The following GPHN variants were observed in gnomAD, a reference collection of about 807,000 sequenced individuals.
The protein encoded by GPHN is gephyrin.
GPHN carries 17 observed loss-of-function variants against 95.5 expected under a neutral mutation model. That is an observed-to-expected ratio of 0.18 (90% CI 0.12 to 0.27). The LOEUF (loss-of-function observed/expected upper bound fraction) is 0.27. Among genes scored for constraint, GPHN ranks in the 10% least tolerant of loss-of-function variants. The pLI is 1.00. For missense variants in GPHN, 660 were observed against 978.1 expected (o/e 0.67, Z 4.34); for synonymous variants, 320 against 322.5 (o/e 0.99, Z 0.08).
intron 1 of GPHN, among the ~76,000 whole-genome samples, chr14:66,514,431 G>A (rs975815310): frequency 6.6e-6 from 1 of 151,954 alleles, no homozygotes; most frequent in Non-Finnish European, 1.5e-5. Context: ...TCAGTATATT[G>A]TGTAACCCTC....
chr14:67,319,610 TAAAAAAA>T, the GPHN span, among the ~76,000 whole-genome samples: 1 of 128,608 alleles, frequency 7.8e-6, no homozygotes, highest in Non-Finnish European at 1.7e-5. Flanking sequence ...GCTGATGAGC[TAAAAAAA>T]AAAAAAAAAA....
the GPHN span, chr14:67,382,749 C>A: frequency 2.7e-6 from 2 of 732,126 alleles, no homozygotes; most frequent in Non-Finnish European, 4.5e-6. Flanking sequence ...CGTCCCCAGC[C>A]AGGGGGAAGG....
chr14:66,710,245 C>T (rs561710232), intron 2 of GPHN, among the ~76,000 whole-genome samples: 4 of 152,130 alleles, frequency 2.6e-5, no homozygotes, highest in Non-Finnish European at 5.9e-5. Context: ...TTTGCAAATA[C>T]AAATATATGC....
the GPHN span, chr14:67,204,996 GGAAGTCACA>G: frequency 2.6e-6 from 4 of 1,564,096 alleles, 1 homozygote; most frequent in South Asian, 4.7e-5. Context: ...GAGAAGCCAC[GGAAGTCACA>G]GACAGCTCTG....
intron 16 of GPHN, among the ~76,000 whole-genome samples, chr14:67,118,677 G>A (rs1017402819): frequency 1.2e-4 from 18 of 151,804 alleles, no homozygotes; most frequent in Admixed American, 6.6e-5. Flanking sequence ...GCAGTGAGCC[G>A]AGATCGCATC....
intron 1 of GPHN, among the ~76,000 whole-genome samples, chr14:66,675,284 A>G (rs1389934931): frequency 6.6e-6 from 1 of 151,700 alleles, no homozygotes; most frequent in Non-Finnish European, 1.5e-5. Context: ...GCTGGGGACT[A>G]TAGGCACGTA....
chr14:67,644,843 A>C, the GPHN span, among the ~76,000 whole-genome samples: 1 of 152,032 alleles, frequency 6.6e-6, no homozygotes. Flanking sequence ...CTAAAAATAC[A>C]AAAAATTAGC....
intron 9 of GPHN, among the ~76,000 whole-genome samples, chr14:66,970,852 AAT>A (rs2069710253): frequency 1.3e-5 from 2 of 152,340 alleles, no homozygotes; most frequent in South Asian, 4.1e-4. Flanking sequence ...TCTGAACAAA[AAT>A]ATGTTTTCTT....
intron 3 of GPHN, among the ~76,000 whole-genome samples, chr14:66,809,473 A>G (rs1198949275): frequency 6.6e-6 from 1 of 152,310 alleles, no homozygotes; most frequent in African/African-American, 2.4e-5. Context: ...TATGATTCAA[A>G]TAGACTTCAG....
At chr14:66,626,735 A>G (rs921501728) in intron 1 of GPHN, among the ~76,000 whole-genome samples, 18 of 152,044 alleles carry the variant, frequency 1.2e-4, no homozygotes, top group African/African-American at 2.9e-4. Context: ...TTTTCAGGAT[A>G]TTTTTGTAGT....
intron 9 of GPHN, among the ~76,000 whole-genome samples, chr14:66,968,611 T>C (rs760551084): frequency 6.6e-6 from 1 of 152,054 alleles, no homozygotes; most frequent in African/African-American, 2.4e-5. Flanking sequence ...TAATAGAAGA[T>C]CTGGATGGAA....
the GPHN span, chr14:67,581,111 C>T: frequency 1.1e-6 from 1 of 904,438 alleles, no homozygotes; most frequent in Non-Finnish European, 1.9e-6. Context: ...GCCTCCTCGA[C>T]TAGACAGCCT....
chr14:67,435,555 C>T, the GPHN span, among the ~76,000 whole-genome samples: 1 of 152,214 alleles, frequency 6.6e-6, no homozygotes, highest in African/African-American at 2.4e-5. Context: ...AGTGTTGTAA[C>T]ACTGTGCTTT....
rs1596121823 is a variant in GPHN at position 66,845,774 on chromosome 14, C to T, written c.294+21208C>T. 1.3e-5 allele frequency among the ~76,000 whole-genome samples: 2 copies of T among 151,470 alleles called. 1 individual carries two copies. The highest frequency in any genetic ancestry group is 4.2e-4 in the South Asian group (2 of 4,808). ...GGCTCGAACCCCAGAGATTCTGATTCAGTAGGTTTGGAATTCGGTTTAGGT... is the reference window on the plus strand; with the variant it reads ...GGCTCGAACCCCAGAGATTCTGATTTAGTAGGTTTGGAATTCGGTTTAGGT... On this transcript the variant is annotated intron_variant, in intron 4 of 22. Coordinates refer to ENST00000478722, the MANE Select transcript of GPHN (RefSeq NM_020806.5).
At chr14:66,613,534 G>A (rs1305242327) in intron 1 of GPHN, among the ~76,000 whole-genome samples, 1 of 152,108 alleles carries the variant, frequency 6.6e-6, no homozygotes, top group Non-Finnish European at 1.5e-5. Flanking sequence ...GAATGTACCT[G>A]TCTGCTGACT....
At chr14:67,531,636 G>A in the GPHN span, among the ~76,000 whole-genome samples, 1 of 151,436 alleles carries the variant, frequency 6.6e-6, no homozygotes, top group African/African-American at 2.4e-5. Context: ...GTTCTGGGCC[G>A]AGGTGCGGTG....
At chr14:67,037,152 T>G (rs1156740006) in intron 10 of GPHN, among the ~76,000 whole-genome samples, 1 of 152,036 alleles carries the variant, frequency 6.6e-6, no homozygotes. Flanking sequence ...CAAATGATCT[T>G]TGAAGATGGT....
intron 1 of GPHN, among the ~76,000 whole-genome samples, chr14:66,572,462 C>A (rs560021696): frequency 1.3e-5 from 2 of 148,718 alleles, no homozygotes; most frequent in Non-Finnish European, 3.0e-5. Flanking sequence ...TTTTTCAATT[C>A]CTTGGTTAAA....
At chr14:67,446,301 G>A in the GPHN span, among the ~76,000 whole-genome samples, 1 of 152,186 alleles carries the variant, frequency 6.6e-6, no homozygotes, top group African/African-American at 2.4e-5. Flanking sequence ...AACTCAAGAA[G>A]AGTGCCCCCA....
Sources: allele counts gnomAD v4.1 joint callset (sites outside exome capture counted in the v4.1 genomes callset), GRCh38; gene constraint gnomAD v4.1.1; transcripts MANE v1.5; gene names NCBI Gene and HGNC (gene_info 2026-07-23, HGNC 2026-07-21).